The following SMARCAD1 variants were observed in gnomAD, a reference collection of about 807,000 sequenced individuals.
SMARCAD1 encodes SWI/SNF-related matrix-associated actin-dependent regulator of chromatin subfamily A containing DEAD/H box 1.
In SMARCAD1, 25 loss-of-function variants were observed where a neutral mutation model predicts 127.1. That is an observed-to-expected ratio of 0.20 (90% CI 0.14 to 0.27). The LOEUF (loss-of-function observed/expected upper bound fraction) is 0.27, where lower values mean the gene tolerates loss of function less well. Ranked by LOEUF, SMARCAD1 falls within the 10% of genes least tolerant of loss-of-function variation. SMARCAD1 has a pLI of 1.00. For missense variants in SMARCAD1, 807 were observed against 1,206.0 expected, an observed-to-expected ratio of 0.67 and a Z score of 4.90; for synonymous variants, 400 against 396.9, an observed-to-expected ratio of 1.01 and a Z score of -0.09.
chr4:94,242,990 C>T (rs987112937), intron 6 of SMARCAD1, among the ~76,000 whole-genome samples: 6 of 152,110 alleles, frequency 3.9e-5, no homozygotes, highest in East Asian at 1.9e-4. Context: ...TCTTTCTTTT[C>T]GAGACAGAGT....
intron 10 of SMARCAD1, among the ~76,000 whole-genome samples, chr4:94,270,308 G>T (rs1185897815): frequency 6.6e-6 from 1 of 151,916 alleles, no homozygotes; most frequent in Non-Finnish European, 1.5e-5. Flanking sequence ...AAACCTACCT[G>T]GCCAAAGTAG....
intron 11 of SMARCAD1, 70 bp from the exon 12 acceptor site, chr4:94,273,547 C>T: frequency 1.7e-6 from 2 of 1,144,138 alleles, no homozygotes; most frequent in African/African-American, 1.5e-5. Context: ...ACTGCTTTTT[C>T]TTCTGTATTT....
intron 6 of SMARCAD1, among the ~76,000 whole-genome samples, chr4:94,242,284 A>G (rs1747710407): frequency 6.6e-6 from 1 of 151,666 alleles, no homozygotes; most frequent in Admixed American, 6.6e-5. Context: ...ACCTCAAGTG[A>G]TCCACCCACC....
intron 22 of SMARCAD1, among the ~76,000 whole-genome samples, chr4:94,283,591 T>C (rs1268298746): frequency 6.6e-6 from 1 of 151,996 alleles, no homozygotes; most frequent in Non-Finnish European, 1.5e-5. Context: ...TTTGGGAGAC[T>C]GAGGCGGGCG....
chr4:94,208,369 C>T lies in SMARCAD1; in HGVS notation c.-26C>T. On this transcript the variant is annotated 5_prime_UTR_variant, in exon 2 of 24. Coordinates refer to ENST00000354268, the MANE Select transcript of SMARCAD1 (RefSeq NM_020159.5). ...AGATAGTTCATTTAAAGCCCCCATCCCTGCAAGGTGGTGCTTTCTACCAAT... is the reference window on the plus strand; with the variant it reads ...AGATAGTTCATTTAAAGCCCCCATCTCTGCAAGGTGGTGCTTTCTACCAAT... 1.2e-6 allele frequency: 2 copies of T among 1,610,964 alleles called. No individual in the cohort carries two copies. Among genetic ancestry groups the T allele is most frequent in the Non-Finnish European group, 8.5e-7 (1 of 1,177,454 alleles).
intron 9 of SMARCAD1, among the ~76,000 whole-genome samples, chr4:94,262,089 T>C (rs192866407): frequency 6.6e-6 from 1 of 152,330 alleles, no homozygotes; most frequent in East Asian, 1.9e-4. Flanking sequence ...CATGTGCTTT[T>C]CCTTAGGTAA....
chr4:94,217,802 A>G (rs1743430606), intron 2 of SMARCAD1, among the ~76,000 whole-genome samples: 1 of 152,208 alleles, frequency 6.6e-6, no homozygotes, highest in Non-Finnish European at 1.5e-5. Context: ...TCATAAAATC[A>G]ATTTCTTGGG....
In SMARCAD1 at chr4:94,220,392, C is replaced by T. The variant is rs535099928; in HGVS notation, c.191-5727C>T. ...CCTCCCTAGTAGCTGGGACTACAGGCGTGTGCCACCACACCTGGCTAATTT... is the reference window on the plus strand; with the variant it reads ...CCTCCCTAGTAGCTGGGACTACAGGTGTGTGCCACCACACCTGGCTAATTT... On this transcript the variant is annotated intron_variant, in intron 2 of 23. Coordinates refer to ENST00000354268, the MANE Select transcript of SMARCAD1 (RefSeq NM_020159.5). Among the ~76,000 whole-genome samples the T allele has an allele frequency of 1.1e-4, 17 of 152,216 alleles. No individual in the cohort carries two copies. In the East Asian group the frequency reaches 2.9e-3, roughly 26 times the overall value.
intron 8 of SMARCAD1, among the ~76,000 whole-genome samples, chr4:94,252,011 C>G (rs892992481): frequency 3.3e-5 from 5 of 152,072 alleles, no homozygotes; most frequent in African/African-American, 9.7e-5. Flanking sequence ...ACCACCATGC[C>G]TGGCTAATTT....
intron 10 of SMARCAD1, among the ~76,000 whole-genome samples, chr4:94,265,441 T>C (rs1220450172): frequency 6.6e-6 from 1 of 151,866 alleles, no homozygotes; most frequent in African/African-American, 2.4e-5. Context: ...TTTGATTAAA[T>C]AGATCATATA....
At chr4:94,267,777 T>C (rs1393317449) in intron 10 of SMARCAD1, among the ~76,000 whole-genome samples, 1 of 152,156 alleles carries the variant, frequency 6.6e-6, no homozygotes. Context: ...AGAAAGCACT[T>C]AACTTATTCA....
At chr4:94,230,672 C>T (rs1745701869) in intron 3 of SMARCAD1, among the ~76,000 whole-genome samples, 1 of 152,058 alleles carries the variant, frequency 6.6e-6, no homozygotes, top group Non-Finnish European at 1.5e-5. Context: ...GCCAAATATC[C>T]CCTTGCAGCA....
chr4:94,208,591 T>TA lies in SMARCAD1; in HGVS notation c.190+8dup. On this transcript the variant is annotated splice_region_variant and intron_variant, in intron 2 of 23. Coordinates refer to ENST00000354268, the MANE Select transcript of SMARCAD1 (RefSeq NM_020159.5). ...GATATAACTGAAAAAACAGGTGAGT[T>TA]ACAATGTTAAAATTGATGTAACATC... is the stretch of plus-strand genomic sequence containing the variant. 4 of 1,613,266 alleles carry TA rather than the reference T, an allele frequency of 2.5e-6. No homozygotes were observed. Among genetic ancestry groups the TA allele is most frequent in the Non-Finnish European group, 3.4e-6 (4 of 1,179,230 alleles).
chr4:94,251,032 G>A (rs1749202149), intron 8 of SMARCAD1, among the ~76,000 whole-genome samples, 199 bp downstream of exon 8: 1 of 152,110 alleles, frequency 6.6e-6, no homozygotes, highest in African/African-American at 2.4e-5. Context: ...TTATCATAGT[G>A]TAAAACAAAA....
At chr4:94,284,833 T>G (rs150669304) in intron 22 of SMARCAD1, 127 bp from the exon 23 acceptor site, 18 of 657,270 alleles carry the variant, frequency 2.7e-5, no homozygotes, top group African/African-American at 2.4e-4. Flanking sequence ...GTGGCTTAAA[T>G]AAAAGAATTT....
chr4:94,209,058 TC>T (rs1362308621), intron 2 of SMARCAD1, among the ~76,000 whole-genome samples: 2 of 152,184 alleles, frequency 1.3e-5, no homozygotes, highest in African/African-American at 4.8e-5. Flanking sequence ...CCACCTGACT[TC>T]CTGGATGTCC....
At chr4:94,226,993 C>T (rs1745126112) in intron 3 of SMARCAD1, among the ~76,000 whole-genome samples, 1 of 151,924 alleles carries the variant, frequency 6.6e-6, no homozygotes, top group Admixed American at 6.6e-5. Context: ...CGTTAGACAC[C>T]ACACCTGGCT....
chr4:94,211,264 C>T (rs540947917), intron 2 of SMARCAD1, among the ~76,000 whole-genome samples: 1 of 152,126 alleles, frequency 6.6e-6, no homozygotes, highest in Admixed American at 6.5e-5. Context: ...AAGAGCAAAA[C>T]TCCATGTCAA....
rs1560578022 is a variant in SMARCAD1 at position 94,291,175 on chromosome 4, T to G, written c.*1641T>G. The G allele has an allele frequency of 4.4e-6, 2 of 453,690 alleles. No individual in the cohort carries two copies. Among genetic ancestry groups the G allele is most frequent in the African/African-American group, 2.0e-5 (1 of 49,950 alleles). The allele number at this position is 453,690 out of a possible 1,614,324, so 28.1% of individuals were successfully genotyped here. A position where few individuals can be genotyped will look rare whatever the true frequency, so the allele number is the denominator to read the frequency against. ...TTTTCAATGATAGGCTGTTTCTTTT[T>G]TTGTTGTTATTGTTGTTGTTGTTAT... On this transcript the variant is annotated 3_prime_UTR_variant, in exon 24 of 24. Coordinates refer to ENST00000354268, the MANE Select transcript of SMARCAD1 (RefSeq NM_020159.5).
Sources: allele counts gnomAD v4.1 joint callset (sites outside exome capture counted in the v4.1 genomes callset), GRCh38; gene constraint gnomAD v4.1.1; transcripts MANE v1.5; gene names NCBI Gene and HGNC (gene_info 2026-07-23, HGNC 2026-07-21).